Variants in PPARGC1A observed in about 807,000 individuals in gnomAD.
PPARGC1A encodes PPARG coactivator 1 alpha.
Under a neutral mutation model 88.7 loss-of-function variants are expected in PPARGC1A, and 25 were observed. The observed-to-expected ratio is 0.28, with a 90% confidence interval of 0.21 to 0.39. The LOEUF (loss-of-function observed/expected upper bound fraction) is 0.39, where lower values mean the gene tolerates loss of function less well. Ranked by LOEUF, PPARGC1A falls within the 10% of genes least tolerant of loss-of-function variation. The pLI is 1.00. For missense variants in PPARGC1A, 880 were observed against 968.7 expected (o/e 0.91, Z 1.22); for synonymous variants, 363 against 355.6 (o/e 1.02, Z -0.24).
the PPARGC1A span, among the ~76,000 whole-genome samples, chr4:24,190,808 C>T: frequency 2.0e-5 from 3 of 152,198 alleles, no homozygotes; most frequent in Admixed American, 2.0e-4. Context: ...GTGTTCAGCC[C>T]TCATTCCCTT....
At chr4:24,159,370 C>A in the PPARGC1A span, among the ~76,000 whole-genome samples, 1 of 151,926 alleles carries the variant, frequency 6.6e-6, no homozygotes, top group Non-Finnish European at 1.5e-5. Flanking sequence ...ACCACCACCC[C>A]TGACTAATGT....
chr4:24,291,756 T>C, the PPARGC1A span, among the ~76,000 whole-genome samples: 1 of 152,074 alleles, frequency 6.6e-6, no homozygotes, highest in African/African-American at 2.4e-5. Context: ...AAATGAAGAC[T>C]AAATTAATTG....
the PPARGC1A span, among the ~76,000 whole-genome samples, chr4:23,910,187 TAA>T: frequency 9.5e-6 from 1 of 105,338 alleles, no homozygotes; most frequent in African/African-American, 3.3e-5. Context: ...TAAATATATA[TAA>T]AATATATAAA....
the PPARGC1A span, among the ~76,000 whole-genome samples, chr4:23,945,128 GTC>G: frequency 3.3e-4 from 50 of 149,262 alleles, no homozygotes; most frequent in Admixed American, 3.3e-4. Flanking sequence ...CTCTGTCTCT[GTC>G]TCTCTCTCTC....
At chr4:23,915,906 C>T in the PPARGC1A span, among the ~76,000 whole-genome samples, 2 of 152,212 alleles carry the variant, frequency 1.3e-5, no homozygotes, top group African/African-American at 4.8e-5. Flanking sequence ...CCACCACCCC[C>T]TCCCTGTGCC....
chr4:24,202,140 A>C, the PPARGC1A span, among the ~76,000 whole-genome samples: 1 of 151,818 alleles, frequency 6.6e-6, no homozygotes, highest in Non-Finnish European at 1.5e-5. Context: ...AGCCTTCCAA[A>C]CCGCTGGGAT....
At chr4:24,014,877 T>A in the PPARGC1A span, among the ~76,000 whole-genome samples, 1 of 152,216 alleles carries the variant, frequency 6.6e-6, no homozygotes, top group South Asian at 2.1e-4. Flanking sequence ...TGCTTTATCA[T>A]GTAACCTAAT....
chr4:23,952,130 A>T, the PPARGC1A span, among the ~76,000 whole-genome samples: 1 of 152,122 alleles, frequency 6.6e-6, no homozygotes, highest in Non-Finnish European at 1.5e-5. Flanking sequence ...TTCTTCTCAG[A>T]ATCTACCACT....
upstream of PPARGC1A, among the ~76,000 whole-genome samples, chr4:23,904,989 AC>A (rs1319520792): frequency 6.6e-6 from 1 of 152,190 alleles, no homozygotes; most frequent in Non-Finnish European, 1.5e-5. Flanking sequence ...TAAGTGCTGT[AC>A]CACATGCCCA....
the PPARGC1A span, among the ~76,000 whole-genome samples, chr4:23,973,209 C>T: frequency 1.5e-4 from 23 of 152,294 alleles, no homozygotes; most frequent in African/African-American, 5.3e-4. Flanking sequence ...AGAGCAAGTG[C>T]CTTGTTTTAA....
the PPARGC1A span, among the ~76,000 whole-genome samples, chr4:24,326,003 G>C: frequency 6.6e-6 from 1 of 151,826 alleles, no homozygotes; most frequent in Non-Finnish European, 1.5e-5. Flanking sequence ...CTGCTTACCT[G>C]ACTATTCCTG....
chr4:24,039,170 C>T, the PPARGC1A span, among the ~76,000 whole-genome samples: 16 of 152,288 alleles, frequency 1.1e-4, 1 homozygote, highest in Admixed American at 3.9e-4. Context: ...AATTTATTCG[C>T]TTTCCAATTG....
chr4:24,307,763 T>C, the PPARGC1A span, among the ~76,000 whole-genome samples: 1 of 151,954 alleles, frequency 6.6e-6, no homozygotes, highest in African/African-American at 2.4e-5. Context: ...GGAACCAGAG[T>C]CCCAGCTGAC....
the PPARGC1A span, among the ~76,000 whole-genome samples, chr4:24,085,654 C>G: frequency 2.0e-5 from 3 of 152,196 alleles, no homozygotes; most frequent in Non-Finnish European, 4.4e-5. Context: ...AGAAACTGCT[C>G]TATCTGTTCT....
the PPARGC1A span, among the ~76,000 whole-genome samples, chr4:24,350,977 ATT>A: frequency 1.4e-3 from 212 of 150,578 alleles, no homozygotes; most frequent in Non-Finnish European, 1.8e-3. Context: ...AAAAAGAACA[ATT>A]TTTTTTTTTT....
the PPARGC1A span, among the ~76,000 whole-genome samples, chr4:24,324,922 A>C: frequency 5.5e-3 from 841 of 151,820 alleles, 6 homozygotes; most frequent in African/African-American, 0.018. Flanking sequence ...GGTCCCAATA[A>C]TTCCTCAGCC....
the PPARGC1A span, among the ~76,000 whole-genome samples, chr4:24,022,107 A>G: frequency 6.6e-6 from 1 of 152,134 alleles, no homozygotes; most frequent in African/African-American, 2.4e-5. Context: ...GGAGAATGAG[A>G]GGGCTGAGCT....
At chr4:24,057,423 T>A in the PPARGC1A span, among the ~76,000 whole-genome samples, 1 of 146,452 alleles carries the variant, frequency 6.8e-6, no homozygotes, top group African/African-American at 2.6e-5. Flanking sequence ...TAAATACCAC[T>A]GAACTGTACA....
chr4:24,326,032 C>T, the PPARGC1A span, among the ~76,000 whole-genome samples: 6 of 152,164 alleles, frequency 3.9e-5, no homozygotes, highest in African/African-American at 1.4e-4. Flanking sequence ...CCGCTGATCT[C>T]ATTGATGCCC....
Sources: allele counts gnomAD v4.1 joint callset (sites outside exome capture counted in the v4.1 genomes callset), GRCh38; gene constraint gnomAD v4.1.1; transcripts MANE v1.5; gene names NCBI Gene and HGNC (gene_info 2026-07-23, HGNC 2026-07-21).